The following NRP1 variants were observed in gnomAD, a reference collection of about 807,000 sequenced individuals.
The protein encoded by NRP1 is neuropilin-1.
A neutral mutation model predicts 106.7 loss-of-function variants in NRP1; 35 were observed. The observed-to-expected ratio is 0.33, with a 90% CI of 0.25 to 0.43. The LOEUF (loss-of-function observed/expected upper bound fraction) is 0.43. Ranked by LOEUF, NRP1 falls within the 20% of genes least tolerant of loss-of-function variation. NRP1 has a pLI of 1.00. For missense variants in NRP1, 1,024 were observed against 1,170.4 expected (o/e 0.87, Z 1.83); for synonymous variants, 437 against 417.9 (o/e 1.05, Z -0.56).
chr10:33,267,984 T>A (rs185177362), intron 3 of NRP1, among the ~76,000 whole-genome samples: 182 of 152,238 alleles, frequency 1.2e-3, no homozygotes, highest in African/African-American at 4.3e-3. Flanking sequence ...GCCATTCTGG[T>A]TGCATTAAAC....
chr10:33,201,813 T>C (rs1316661447), intron 11 of NRP1: 1 of 152,192 alleles, frequency 6.6e-6, no homozygotes, highest in African/African-American at 2.4e-5. Flanking sequence ...TTTTCAATTT[T>C]TTTTTCTTTC....
intron 2 of NRP1, among the ~76,000 whole-genome samples, chr10:33,287,154 G>A (rs141455616): frequency 6.6e-6 from 1 of 152,090 alleles, no homozygotes; most frequent in Non-Finnish European, 1.5e-5. Flanking sequence ...AATACTACTG[G>A]AGCAGAAGTA....
chr10:33,315,809 C>T (rs1030931626), intron 2 of NRP1, among the ~76,000 whole-genome samples: 1 of 152,160 alleles, frequency 6.6e-6, no homozygotes, highest in African/African-American at 2.4e-5. Flanking sequence ...TGATAAGTAA[C>T]ATTTTGACAT....
In NRP1 at chr10:33,202,892, T is replaced by C; in HGVS notation, c.1863A>G (p.Thr621=). 6.2e-7 allele frequency: 1 copy of C among 1,614,238 alleles called. No homozygotes were observed. Among genetic ancestry groups the C allele is most frequent in the South Asian group, 1.1e-5 (1 of 91,082 alleles). ...HSGTGDDFQL[T]GGTTVLATEK... ...ATGGGATGAAGATGGTTTCTGCACC[T>C]GTGAGCTGGAAGTCATCACCTGTTC... The change falls in exon 11 of 17, where the codon ACA becomes ACG. Residue 621 remains threonine, a splice_region_variant and synonymous_variant. Transcript: ENST00000374867.
chr10:33,303,219 A>AAAAC (rs972020232), intron 2 of NRP1, among the ~76,000 whole-genome samples: 5 of 152,226 alleles, frequency 3.3e-5, no homozygotes, highest in African/African-American at 7.2e-5. Flanking sequence ...AAAGTGTACC[A>AAAAC]AAACAAACAA....
intron 2 of NRP1, among the ~76,000 whole-genome samples, chr10:33,312,771 TAAC>T (rs1451782182): frequency 2.0e-5 from 3 of 152,226 alleles, no homozygotes; most frequent in Admixed American, 6.5e-5. Context: ...TGGGATTCAT[TAAC>T]AAAATCGCTG....
chr10:33,195,835 C>T (rs1404242031), intron 12 of NRP1, among the ~76,000 whole-genome samples: 1 of 152,172 alleles, frequency 6.6e-6, no homozygotes, highest in Admixed American at 6.5e-5. Context: ...TTGAAAAGAA[C>T]TCTGCACTGA....
At chr10:33,230,595 ATATGTGTGTGTGTGTGTGTG>A (rs1443637471) in intron 6 of NRP1, among the ~76,000 whole-genome samples, 5 of 116,774 alleles carry the variant, frequency 4.3e-5, no homozygotes, top group African/African-American at 1.1e-4. Context: ...AGTTTCTCAT[ATATGTGTGTGTGTGTGTGTG>A]TGTGTGTGTG....
chr10:33,330,691 A>G lies in NRP1; in HGVS notation c.248+17T>C. ...AGATGGTGCTGTGGTGCCCTGTTCAAAAACATTCCCACTTACTTGCAGTCT... is the reference window on the plus strand; with the variant it reads ...AGATGGTGCTGTGGTGCCCTGTTCAGAAACATTCCCACTTACTTGCAGTCT... On this transcript the variant is annotated intron_variant, in intron 2 of 16. Coordinates refer to ENST00000374867, the MANE Select transcript of NRP1 (RefSeq NM_003873.7). The G allele has an allele frequency of 6.2e-7, 1 of 1,605,414 alleles. No homozygotes were observed. The highest frequency in any genetic ancestry group is 8.5e-7 in the Non-Finnish European group (1 of 1,174,226).
At chr10:33,197,383 G>A (rs1588701102) in intron 12 of NRP1, among the ~76,000 whole-genome samples, 1 of 152,276 alleles carries the variant, frequency 6.6e-6, no homozygotes, top group East Asian at 1.9e-4. Context: ...GATGTGCTGC[G>A]TTTAAACAAA....
intron 8 of NRP1, among the ~76,000 whole-genome samples, chr10:33,216,140 CTT>C (rs71521489): frequency 5.0e-5 from 7 of 139,012 alleles, no homozygotes; most frequent in African/African-American, 5.3e-5. Flanking sequence ...TTCTTTCTTT[CTT>C]TTTTTTTTTT....
At chr10:33,314,056 A>T (rs1422642598) in intron 2 of NRP1, among the ~76,000 whole-genome samples, 154 of 88,622 alleles carry the variant, frequency 1.7e-3, no homozygotes, top group Middle Eastern at 0.014. Context: ...CTTTCTTTCT[A>T]TTCCTCCCTC....
chr10:33,252,082 C>T (rs1041737267), intron 6 of NRP1, among the ~76,000 whole-genome samples: 24 of 152,204 alleles, frequency 1.6e-4, no homozygotes, highest in African/African-American at 5.8e-4. Flanking sequence ...GATATACAAG[C>T]GGCTGGATAT....
At chr10:33,310,662 TG>T (rs909789597) in intron 2 of NRP1, among the ~76,000 whole-genome samples, 5 of 152,192 alleles carry the variant, frequency 3.3e-5, no homozygotes, top group African/African-American at 1.2e-4. Context: ...ATTCTATCAC[TG>T]GTGGAGTCCT....
At chr10:33,218,511 A>T (rs1838970364) in intron 8 of NRP1, among the ~76,000 whole-genome samples, 1 of 151,726 alleles carries the variant, frequency 6.6e-6, no homozygotes, top group South Asian at 2.1e-4. Context: ...ACACCTGGGT[A>T]ATTTTTTGTA....
Position 33,221,751 on chromosome 10 carries a change from A to G in NRP1, c.1250T>C (p.Met417Thr). 6.2e-7 allele frequency: 1 copy of G among 1,610,888 alleles called. No individual in the cohort carries two copies. Among genetic ancestry groups the G allele is most frequent in the Non-Finnish European group, 8.5e-7 (1 of 1,177,096 alleles). The stretch of plus-strand genomic sequence containing the variant: ...CTTGCAACCGTATACTTCAAATCTC[A>G]TAGATATGCCAGTTTCCCAAGTTGC... ...KPATWETGIS[M>T]RFEVYGCKIT... The change falls in exon 8 of 17, where the codon ATG becomes ACG. Residue 417 changes from methionine to threonine, a missense_variant. Met to Thr is a moderately conservative substitution (Grantham distance 81, BLOSUM62 -1). This residue lies in a region of NRP1 where 562 missense variants were observed against 620.3 expected (regional missense o/e 0.91). Coordinates refer to ENST00000374867, the MANE Select transcript of NRP1 (RefSeq NM_003873.7).
chr10:33,221,975 A>G (rs112554513), intron 7 of NRP1, 112 bp from the exon 8 acceptor site: 5 of 1,193,482 alleles, frequency 4.2e-6, no homozygotes, highest in Non-Finnish European at 6.0e-6. Flanking sequence ...GTTGTCGATC[A>G]AGGATGAGAT....
intron 6 of NRP1, among the ~76,000 whole-genome samples, chr10:33,227,037 A>G (rs2132948317): frequency 6.6e-6 from 1 of 152,244 alleles, no homozygotes; most frequent in South Asian, 2.1e-4. Flanking sequence ...TATTTTATAG[A>G]GTTTGACTCT....
intron 13 of NRP1, among the ~76,000 whole-genome samples, chr10:33,187,706 GATTA>G (rs1836106680): frequency 1.3e-5 from 2 of 152,306 alleles, no homozygotes; most frequent in Admixed American, 6.5e-5. Flanking sequence ...CACCTCACCT[GATTA>G]AGTGTGAATC....
Sources: gnomAD v4.1 joint callset for allele counts (sites outside exome capture counted in the v4.1 genomes callset) on GRCh38, gnomAD v4.1.1 for gene constraint, gnomAD v4.1.1 regional missense constraint, MANE v1.5 for transcripts, NCBI Gene and HGNC (gene_info 2026-07-23, HGNC 2026-07-21) for gene names.